The following DMD variants were observed in gnomAD, a reference collection of about 807,000 sequenced individuals.
DMD encodes the protein dystrophin, also known as mutant dystrophin.
DMD carries 63 observed loss-of-function variants against 330.1 expected under a neutral mutation model. The observed-to-expected ratio is 0.19, with a 90% CI of 0.16 to 0.24. The LOEUF (loss-of-function observed/expected upper bound fraction) is 0.24. Among genes scored for constraint, DMD ranks in the 10% least tolerant of loss-of-function variants. DMD has a pLI of 1.00. For missense variants in DMD, 3,344 were observed against 2,684.1 expected, an observed-to-expected ratio of 1.25 and a Z score of -5.43; for synonymous variants, 1,223 against 959.8, an observed-to-expected ratio of 1.27 and a Z score of -5.07.
chrX:32,711,792 A>G (rs1040983243), intron 7 of DMD, among the ~76,000 whole-genome samples: 1 of 111,805 alleles, frequency 8.9e-6, no homozygotes, highest in African/African-American at 3.2e-5. Flanking sequence ...TCTTTTAGCT[A>G]TCCATTTATC....
intron 4 of DMD, among the ~76,000 whole-genome samples, chrX:32,832,461 A>G (rs1603443546): frequency 1.8e-5 from 2 of 111,099 alleles, no homozygotes; most frequent in African/African-American, 6.5e-5. Flanking sequence ...CTCATAAAAT[A>G]TATATAAACC....
intron 43 of DMD, among the ~76,000 whole-genome samples, chrX:32,220,339 C>T (rs1310392680): frequency 1.8e-5 from 2 of 111,353 alleles, no homozygotes. Flanking sequence ...AACTGCTAAA[C>T]CTTTGAAAAC....
chrX:31,300,863 C>A (rs2054590273), intron 62 of DMD, among the ~76,000 whole-genome samples: 1 of 112,046 alleles, frequency 8.9e-6, no homozygotes, highest in Non-Finnish European at 1.9e-5. Context: ...AGATGGAGAG[C>A]TGCAAAGAGG....
At chrX:32,378,419 A>T (rs1354889163) in intron 34 of DMD, among the ~76,000 whole-genome samples, 1 of 109,857 alleles carries the variant, frequency 9.1e-6, no homozygotes, top group Non-Finnish European at 1.9e-5. Flanking sequence ...ATATATATTA[A>T]ATATAATTAA....
intron 4 of DMD, among the ~76,000 whole-genome samples, chrX:32,829,219 A>G (rs779409185): frequency 9.0e-6 from 1 of 111,577 alleles, no homozygotes; most frequent in Non-Finnish European, 1.9e-5. Flanking sequence ...CTTAAAGTAT[A>G]TAAATTATTC....
At chrX:32,044,096 A>T (rs1321259079) in intron 44 of DMD, among the ~76,000 whole-genome samples, 1 of 111,777 alleles carries the variant, frequency 8.9e-6, no homozygotes, top group South Asian at 3.7e-4. Context: ...TTAAGAATCT[A>T]AACATTATCA....
At chrX:33,029,910 C>A (rs1294292679) in intron 1 of DMD, among the ~76,000 whole-genome samples, 1 of 111,441 alleles carries the variant, frequency 9.0e-6, no homozygotes, top group Non-Finnish European at 1.9e-5. Context: ...TTCTTATCCT[C>A]TTAAAATTGC....
At chrX:32,391,581 G>A (rs1341063632) in intron 30 of DMD, among the ~76,000 whole-genome samples, 2 of 111,973 alleles carry the variant, frequency 1.8e-5, no homozygotes, top group Admixed American at 9.5e-5. Flanking sequence ...GAGCAAATAC[G>A]CATATAAATG....
intron 7 of DMD, among the ~76,000 whole-genome samples, chrX:32,731,095 T>G (rs1451353260): frequency 8.9e-6 from 1 of 111,817 alleles, no homozygotes; most frequent in African/African-American, 3.3e-5. Flanking sequence ...ATTGCCTCAC[T>G]CGGGAAGTGC....
At chrX:32,954,588 AT>A (rs769332904) in intron 2 of DMD, among the ~76,000 whole-genome samples, 1 of 111,939 alleles carries the variant, frequency 8.9e-6, no homozygotes, top group African/African-American at 3.2e-5. Context: ...TGTGTGTTAT[AT>A]AGGTAAACTT....
At chrX:32,522,362 T>G (rs1296485189) in intron 17 of DMD, among the ~76,000 whole-genome samples, 2 of 111,893 alleles carry the variant, frequency 1.8e-5, no homozygotes, top group Admixed American at 9.5e-5. Context: ...TTTCTATCTT[T>G]TTTAATTGAC....
chrX:31,123,674 G>T (rs974256876), intron 78 of DMD, among the ~76,000 whole-genome samples: 1 of 111,823 alleles, frequency 8.9e-6, no homozygotes, highest in Non-Finnish European at 1.9e-5. Context: ...AATTACTAGC[G>T]ATCTTTACGG....
chrX:32,644,217 C>CCCA lies in DMD; in HGVS notation c.1245_1246insTGG (p.Asp415_Glu416insTrp). On this transcript the variant is annotated inframe_insertion, in exon 11 of 79. Coordinates refer to ENST00000357033, the MANE Select transcript of DMD (RefSeq NM_004006.3). Reference sequence around the variant, plus strand: ...ATCTGCTCTTGTACTTCAGTTTCTTCATCTTCTGATAATTTTCCTGTTCCA... The same window carrying CCCA: ...ATCTGCTCTTGTACTTCAGTTTCTTCCCAATCTTCTGATAATTTTCCTGTTCCA... The CCCA allele has an allele frequency of 8.3e-7, 1 of 1,210,599 alleles. No homozygotes were observed. Among genetic ancestry groups the CCCA allele is most frequent in the Non-Finnish European group, 1.1e-6 (1 of 894,533 alleles).
At chrX:33,132,720 G>T (rs2095506304) in intron 1 of DMD, among the ~76,000 whole-genome samples, 1 of 112,457 alleles carries the variant, frequency 8.9e-6, no homozygotes, top group African/African-American at 3.2e-5. Context: ...CAACACTCAG[G>T]CTCCGAAGTC....
intron 55 of DMD, among the ~76,000 whole-genome samples, chrX:31,580,828 T>A (rs1439675733): frequency 9.0e-6 from 1 of 111,722 alleles, no homozygotes; most frequent in Non-Finnish European, 1.9e-5. Context: ...TCTCTTTCTG[T>A]CCTTATAGTT....
chrX:31,910,804 C>A (rs1244833193), intron 47 of DMD, among the ~76,000 whole-genome samples: 1 of 111,833 alleles, frequency 8.9e-6, no homozygotes, highest in East Asian at 2.8e-4. Flanking sequence ...GAAAACAGAA[C>A]AAATGGAAAG....
At chrX:33,019,071 C>T (rs1016253512) in intron 2 of DMD, among the ~76,000 whole-genome samples, 7 of 111,469 alleles carry the variant, frequency 6.3e-5, no homozygotes, top group Middle Eastern at 4.3e-3. Flanking sequence ...AAAGAATAGA[C>T]GATATTCTAA....
rs769253748 is a variant in DMD, at chrX:33,270,331, C to T, written c.7+68928G>A. ...GCTGAGTTTATCCTAAAGCAATAGACAAGGAAAAAAAAAAATCAGACAAAG... is the reference window on the plus strand; with the variant it reads ...GCTGAGTTTATCCTAAAGCAATAGATAAGGAAAAAAAAAAATCAGACAAAG... On this transcript the variant is annotated intron_variant, in intron 1 of 17. Transcript: ENST00000288447. 2.0e-3 allele frequency among the ~76,000 whole-genome samples: 209 copies of T among 102,460 alleles called. 2 individuals are homozygous for T. The highest frequency in any genetic ancestry group is 7.4e-3 in the African/African-American group (193 of 26,057). 89.0% of individuals were successfully genotyped at this position (102,460 alleles called of 115,157 possible).
rs145858524 is a variant in DMD, at chrX:32,666,110, T to A, written c.961-20958A>T. Among the ~76,000 whole-genome samples the A allele has an allele frequency of 2.9e-3, 317 of 110,040 alleles. 1 individual carries two copies. Among genetic ancestry groups the A allele is most frequent in the Non-Finnish European group, 4.6e-3 (240 of 52,561 alleles). On this transcript the variant is annotated intron_variant, in intron 9 of 78. Transcript: ENST00000357033. ...AGGGGGAGATGACAGACTTCTGACA[T>A]ATATGATCTTAGAGTGTATTGGACG...
Sources: allele counts gnomAD v4.1 joint callset (sites outside exome capture counted in the v4.1 genomes callset), GRCh38; gene constraint gnomAD v4.1.1; transcripts MANE v1.5; gene names NCBI Gene and HGNC (gene_info 2026-07-23, HGNC 2026-07-21).